SYNE1: variants seen among roughly 807,000 people sequenced by gnomAD.
SYNE1 encodes the protein nesprin-1.
A neutral mutation model predicts 1,111.0 loss-of-function variants in SYNE1; 616 were observed. That is an observed-to-expected ratio of 0.55 (90% confidence interval 0.52 to 0.59). The LOEUF (loss-of-function observed/expected upper bound fraction) is 0.59. Ranked by LOEUF, SYNE1 falls within the 20% of genes least tolerant of loss-of-function variation. The pLI is 0.00. For missense variants in SYNE1, 10,006 were observed against 10,417.0 expected, an observed-to-expected ratio of 0.96 and a Z score of 1.72; for synonymous variants, 3,855 against 3,825.8, an observed-to-expected ratio of 1.01 and a Z score of -0.28.
chr6:152,441,361 C>T lies in SYNE1; in HGVS notation c.4009-91G>A, dbSNP rs1437200955. The T allele has an allele frequency of 8.8e-6, 12 of 1,369,840 alleles. No individual in the cohort carries two copies. In the East Asian group the frequency reaches 1.0e-4, roughly 11 times the overall value. The allele number at this position is 1,369,840 out of a possible 1,614,324, so 84.9% of individuals were successfully genotyped here. On this transcript the variant is annotated intron_variant, in intron 31 of 145. Coordinates refer to ENST00000367255, the MANE Select transcript of SYNE1 (RefSeq NM_182961.4). The stretch of plus-strand genomic sequence containing the variant: ...CGTTTGCAAAACTGTCAACTTTCAG[C>T]GAATTCTCATTTCAAATTTCACACA...
intron 3 of SYNE1, among the ~76,000 whole-genome samples, chr6:152,624,552 T>C (rs1185623121): frequency 1.3e-5 from 2 of 152,150 alleles, no homozygotes; most frequent in Non-Finnish European, 2.9e-5. Flanking sequence ...TAGCAGAAAA[T>C]GTATGTACTA....
chr6:152,374,879 C>T (rs1029735054), intron 58 of SYNE1, among the ~76,000 whole-genome samples: 2 of 151,876 alleles, frequency 1.3e-5, no homozygotes, highest in Non-Finnish European at 2.9e-5. Flanking sequence ...TACCCACCAG[C>T]CTGAAGCAAA....
chr6:152,199,840 G>C (rs776848258), intron 127 of SYNE1, among the ~76,000 whole-genome samples: 1 of 152,190 alleles, frequency 6.6e-6, no homozygotes, highest in African/African-American at 2.4e-5. Context: ...GGGAAGAGTA[G>C]CAGGACTAGA....
In SYNE1 at chr6:152,281,879, C is replaced by T. The variant is rs759825628; in HGVS notation, c.18309G>A (p.Lys6103=). The change falls in exon 97 of 146, where the codon AAG becomes AAA. Residue 6103 remains lysine, a synonymous_variant. Transcript: ENST00000367255. ...DELDSWLLST[K]ATLDTALSPP... ...GACTCAGCGCAGTGTCCAGAGTGGC[C>T]TTGGTACTCAAGAGCCAGCTGTCCA... The T allele has an allele frequency of 4.4e-5, 71 of 1,614,056 alleles. No individual in the cohort carries two copies. The highest frequency in any genetic ancestry group is 6.7e-5 in the African/African-American group (5 of 74,926).
At chr6:152,448,285 C>G (rs746321373) in intron 28 of SYNE1, among the ~76,000 whole-genome samples, 4 of 152,198 alleles carry the variant, frequency 2.6e-5, no homozygotes, top group Non-Finnish European at 4.4e-5. Context: ...GGAGTGGTGA[C>G]TGGAGCAGCC....
At chr6:152,373,244 C>A (rs1470775102) in intron 58 of SYNE1, 25 bp from the exon 59 acceptor site, 6 of 1,585,474 alleles carry the variant, frequency 3.8e-6, no homozygotes. Context: ...ATAGAATTAG[C>A]CATAATGAAA....
intron 3 of SYNE1, among the ~76,000 whole-genome samples, chr6:152,575,815 A>G (rs2099494159): frequency 6.6e-6 from 1 of 152,264 alleles, no homozygotes; most frequent in Non-Finnish European, 1.5e-5. Context: ...CAAAACACAT[A>G]GCACAGTGCC....
At chr6:152,136,522 T>G in intron 141 of SYNE1, 96 bp downstream of exon 141, 1 of 1,479,234 alleles carries the variant, frequency 6.8e-7, no homozygotes, top group Non-Finnish European at 9.3e-7. Context: ...GGGGAGCAAC[T>G]GCGTCCCTCT....
At chr6:152,260,264 A>C (rs1414151904) in intron 101 of SYNE1, among the ~76,000 whole-genome samples, 1 of 152,218 alleles carries the variant, frequency 6.6e-6, no homozygotes, top group Non-Finnish European at 1.5e-5. Flanking sequence ...GGATACTAGA[A>C]TATGAAGGGA....
In SYNE1 at chr6:152,352,207, C is replaced by A; in HGVS notation, c.11400G>T (p.Leu3800=). Residue 3800 remains leucine, a synonymous_variant, in exon 70 of 146, where the codon CTG becomes CTT. Transcript: ENST00000367255. ...IHDHMEQLKE[L]TSTVRKEHMT... is the part of the protein sequence containing the mutation. ...TGTGTTCTTTCCGGACAGTGCTGGT[C>A]AGTTCCTTCAACTGCTCCATGTGAT... The A allele has an allele frequency of 3.7e-6, 6 of 1,614,152 alleles. No individual in the cohort carries two copies. Among genetic ancestry groups the A allele is most frequent in the Non-Finnish European group, 5.1e-6 (6 of 1,180,032 alleles).
chr6:152,343,726 C>T (rs544311725), intron 74 of SYNE1, among the ~76,000 whole-genome samples: 2 of 151,790 alleles, frequency 1.3e-5, no homozygotes, highest in South Asian at 4.2e-4. Flanking sequence ...CGTCACCATG[C>T]CCAGCTAATG....
At chr6:152,577,013 A>C (rs1468516916) in intron 3 of SYNE1, among the ~76,000 whole-genome samples, 2 of 152,234 alleles carry the variant, frequency 1.3e-5, no homozygotes, top group Non-Finnish European at 2.9e-5. Context: ...CAGACAATCA[A>C]AATTGTTCAT....
chr6:152,307,934 G>C (rs1218967895), intron 91 of SYNE1, among the ~76,000 whole-genome samples: 1 of 152,198 alleles, frequency 6.6e-6, no homozygotes, highest in Non-Finnish European at 1.5e-5. Flanking sequence ...CTGGGTTCAA[G>C]TGCTTCTCCT....
rs867504775 is a variant in SYNE1 at position 152,334,011 on chromosome 6, G to A, written c.12791C>T (p.Ala4264Val). Residue 4264 changes from alanine (A) to valine (V), a missense_variant, in exon 77 of 146, where the codon GCC becomes GTC. By Grantham distance (64) the Ala-to-Val change is moderately conservative (BLOSUM62 0). Transcript: ENST00000367255. ...CCCATGGGAGAATTTCTGTTACCTG[G>A]CCAAGTTATCCCATTCTGTAGTAAA... ...EKFTTEWDNL[A>V]RSDAESTAVH... 2 of 1,614,022 alleles carry A rather than the reference G, an allele frequency of 1.2e-6. No individual in the cohort carries two copies. Among genetic ancestry groups the A allele is most frequent in the Non-Finnish European group, 1.7e-6 (2 of 1,179,988 alleles).
rs2154176967 is a variant in SYNE1 at position 152,413,410 on chromosome 6, T to C, written c.6172A>G (p.Arg2058Gly). The C allele has an allele frequency of 6.2e-7, 1 of 1,614,184 alleles. No homozygotes were observed. The highest frequency in any genetic ancestry group is 1.6e-4 in the Middle Eastern group (1 of 6,062). ...KDVAFAPEVD[R>G]EINRLEVTWD... ...GTGACCTCTAAGCGGTTTATCTCCC[T>C]GTCAACTTCAGGTGCAAAAGCTACA... The change falls in exon 42 of 146, where the codon AGG becomes GGG. Residue 2058 changes from arginine to glycine, a missense_variant. Arg to Gly is a moderately radical substitution (Grantham distance 125, BLOSUM62 -2). Transcript: ENST00000367255.
chr6:152,333,938 T>A lies in SYNE1; in HGVS notation c.12794+70A>T, dbSNP rs2096313391. On this transcript the variant is annotated intron_variant, in intron 77 of 145. Transcript: ENST00000367255. ...ATCAGCCACTGCACCTGGGCACATT[T>A]TAAATTTTTATAGATATTAAGAAAT... The A allele has an allele frequency of 1.9e-6, 3 of 1,607,836 alleles. No individual in the cohort carries two copies. The African/African-American group carries it at 4.0e-5, about 21-fold the overall frequency.
Position 152,180,141 on chromosome 6 carries a change from T to G in SYNE1, c.23455A>C (p.Lys7819Gln). The G allele has an allele frequency of 6.2e-7, 1 of 1,614,114 alleles. No individual in the cohort carries two copies. Among genetic ancestry groups the G allele is most frequent in the South Asian group, 1.1e-5 (1 of 91,084 alleles). Residue 7819 changes from lysine to glutamine, a missense_variant, in exon 129 of 146, where the codon AAG becomes CAG. By Grantham distance (53) the Lys-to-Gln change is moderately conservative (BLOSUM62 1). This residue lies in a region of SYNE1 where 2,182 missense variants were observed against 2,287.8 expected (regional missense o/e 0.95). Coordinates refer to ENST00000367255, the MANE Select transcript of SYNE1 (RefSeq NM_182961.4). ...AGTAGCCATGCATTCCATACCTTCT[T>G]GAGCTTCTCTATCATTTCTTCAATG... ...ILIEEMIEKLKKDYQEEIAIA... is the reference protein window; with the variant it reads ...ILIEEMIEKLQKDYQEEIAIA...
In SYNE1 at chr6:152,121,768, C is replaced by CT. The variant is rs71660056; in HGVS notation, c.*667dup. The CT allele has an allele frequency of 1.5e-4, 23 of 150,862 alleles. No homozygotes were observed. The highest frequency in any genetic ancestry group is 1.3e-3 in the South Asian group (6 of 4,756). The allele number at this position is 150,862 out of a possible 1,614,324, so 9.3% of individuals were successfully genotyped here. A position where few individuals can be genotyped will look rare whatever the true frequency, so the allele number is the denominator to read the frequency against. On this transcript the variant is annotated 3_prime_UTR_variant, in exon 146 of 146. Coordinates refer to ENST00000367255, the MANE Select transcript of SYNE1 (RefSeq NM_182961.4). ...TAGCAAACTGTACATACATAAATATCTTTTTTTTTTTACTATAACATTCAA... is the reference window on the plus strand; with the variant it reads ...TAGCAAACTGTACATACATAAATATCTTTTTTTTTTTTACTATAACATTCAA...
At chr6:152,406,926 A>G in intron 45 of SYNE1, 88 bp downstream of exon 45, 1 of 1,017,386 alleles carries the variant, frequency 9.8e-7, no homozygotes, top group Non-Finnish European at 1.3e-6. Flanking sequence ...TAAAAGAAGA[A>G]TAAACTTTTA....
Sources: allele counts gnomAD v4.1 joint callset (sites outside exome capture counted in the v4.1 genomes callset), GRCh38; gene constraint gnomAD v4.1.1; regional missense constraint gnomAD v4.1.1; transcripts MANE v1.5; gene names NCBI Gene and HGNC (gene_info 2026-07-23, HGNC 2026-07-21).